The following PEAK1 variants were observed in gnomAD, a reference collection of about 807,000 sequenced individuals.
PEAK1 encodes inactive tyrosine-protein kinase PEAK1.
A neutral mutation model predicts 124.7 loss-of-function variants in PEAK1; 54 were observed. That is an observed-to-expected ratio of 0.43 (90% CI 0.35 to 0.54). The LOEUF is 0.54. PEAK1 is among the 20% of genes least tolerant of loss of function. The pLI, the probability that PEAK1 is intolerant of heterozygous loss-of-function variation, is 0.01. For missense variants in PEAK1, 2,046 were observed against 2,134.5 expected, an observed-to-expected ratio of 0.96 and a Z score of 0.82; for synonymous variants, 719 against 760.0, an observed-to-expected ratio of 0.95 and a Z score of 0.89.
intron 2 of PEAK1, among the ~76,000 whole-genome samples, chr15:77,338,432 A>T (rs1169666357): frequency 1.3e-5 from 2 of 152,178 alleles, no homozygotes; most frequent in Non-Finnish European, 2.9e-5. Context: ...TGCTTAAAGA[A>T]AATCTGTGAC....
At chr15:77,201,931 A>G (rs533599140) in intron 6 of PEAK1, among the ~76,000 whole-genome samples, 1 of 152,284 alleles carries the variant, frequency 6.6e-6, no homozygotes, top group Non-Finnish European at 1.5e-5. Context: ...ACTGTGTTAG[A>G]TGTCATACTT....
chr15:77,345,959 C>G, intron 2 of PEAK1: 2 of 985,298 alleles, frequency 2.0e-6, no homozygotes, highest in Non-Finnish European at 2.4e-6. Context: ...TGGCAAAGGT[C>G]TATCATGGTC....
chr15:77,205,048 A>C (rs951263172), intron 6 of PEAK1: 2 of 184,294 alleles, frequency 1.1e-5, no homozygotes, highest in African/African-American at 4.8e-5. Context: ...ACTAAAAACG[A>C]GGCATGTCCA....
chr15:77,132,465 C>T (rs940951999), intron 9 of PEAK1, among the ~76,000 whole-genome samples: 6 of 151,828 alleles, frequency 4.0e-5, no homozygotes, highest in East Asian at 3.9e-4. Context: ...GAGGCCAAGG[C>T]GGGAGGATCA....
At chr15:77,337,219 A>G in intron 2 of PEAK1, 1 of 985,110 alleles carries the variant, frequency 1.0e-6, no homozygotes, top group Non-Finnish European at 1.2e-6. Context: ...AAACTCAGCC[A>G]AGACAAGATA....
intron 5 of PEAK1, among the ~76,000 whole-genome samples, chr15:77,272,918 A>G (rs923752962): frequency 6.6e-6 from 1 of 152,240 alleles, no homozygotes; most frequent in African/African-American, 2.4e-5. Flanking sequence ...CACCATGATC[A>G]AGTGGGTTTC....
intron 8 of PEAK1, among the ~76,000 whole-genome samples, chr15:77,145,061 T>C (rs1413435382): frequency 6.6e-6 from 1 of 152,220 alleles, no homozygotes. Flanking sequence ...AAAACATTCT[T>C]TTGGACAAAT....
At chr15:77,194,515 CCAGT>C (rs1462536226) in intron 6 of PEAK1, among the ~76,000 whole-genome samples, 1 of 152,122 alleles carries the variant, frequency 6.6e-6, no homozygotes, top group Non-Finnish European at 1.5e-5. Flanking sequence ...TTTTGATCCT[CCAGT>C]CAAATTTTAA....
At position 77,115,084 on chromosome 15, in the gene PEAK1, G is replaced by C; in HGVS notation, c.4313C>G (p.Ser1438Cys). ...ETDGKNPKPC[S>C]EAASSQKENQ... is the part of the protein sequence containing the mutation. ...CTCTTTCTGGGATGATGCTGCTTCA[G>C]AACAGGGCTTTGGGTTTTTCCCATC... is the stretch of plus-strand genomic sequence containing the variant. Residue 1438 changes from serine (S) to cysteine (C), a missense_variant, in exon 10 of 10, where the codon TCT (serine) becomes TGT (cysteine). By Grantham distance (112) the Ser-to-Cys change is moderately radical. Transcript: ENST00000682557. 6.2e-7 allele frequency: 1 copy of C among 1,614,142 alleles called. No individual in the cohort carries two copies. Among genetic ancestry groups the C allele is most frequent in the Non-Finnish European group, 8.5e-7 (1 of 1,180,040 alleles).
At chr15:77,103,047 AAATAAT>A (rs921156416) in exon 7 of PEAK1, 3 of 152,196 alleles carry the variant, frequency 2.0e-5, no homozygotes, top group African/African-American at 4.8e-5. Flanking sequence ...GAAGAAGTGG[AAATAAT>A]AATAATAAAA....
chr15:77,279,665 G>C (rs1405469320), intron 5 of PEAK1, among the ~76,000 whole-genome samples: 2 of 152,212 alleles, frequency 1.3e-5, no homozygotes, highest in African/African-American at 2.4e-5. Flanking sequence ...CCTGTTCAGA[G>C]CATCACATGA....
chr15:77,232,076 T>C (rs2059930949), intron 6 of PEAK1, among the ~76,000 whole-genome samples: 1 of 152,222 alleles, frequency 6.6e-6, no homozygotes, highest in Non-Finnish European at 1.5e-5. Context: ...TTGCTTAAAA[T>C]GTAGAGGCTT....
chr15:77,374,167 C>T (rs1434720286), intron 1 of PEAK1, among the ~76,000 whole-genome samples: 1 of 152,060 alleles, frequency 6.6e-6, no homozygotes, highest in Non-Finnish European at 1.5e-5. Flanking sequence ...TGGATAGGAA[C>T]ACAAGTATCA....
rs1243201752 is a variant in PEAK1, at chr15:77,179,844, T to C, written c.2083A>G (p.Thr695Ala). 1.1e-5 allele frequency: 17 copies of C among 1,614,068 alleles called. No homozygotes were observed. The Admixed American group carries it at 2.8e-4, about 27-fold the overall frequency. ...GCCACTGAGCCCCTTTTATGCTCTG[T>C]GCTGTTTGAAAACCCTTTAGTTTGA... is the stretch of plus-strand genomic sequence containing the variant. ...CLQTKGFSNS[T>A]EHKRGSVAQK... The change falls in exon 7 of 10, where the codon ACA becomes GCA. Residue 695 changes from threonine to alanine, a missense_variant. Coordinates refer to ENST00000682557, the MANE Select transcript of PEAK1 (RefSeq NM_001385026.1).
At chr15:77,330,523 A>T (rs551808161) in intron 2 of PEAK1, among the ~76,000 whole-genome samples, 38 of 151,858 alleles carry the variant, frequency 2.5e-4, no homozygotes, top group African/African-American at 8.7e-4. Context: ...TTCACCCCTA[A>T]CCTCCACTTC....
chr15:77,230,807 T>A (rs998266665), intron 6 of PEAK1, among the ~76,000 whole-genome samples: 1 of 152,000 alleles, frequency 6.6e-6, no homozygotes, highest in Non-Finnish European at 1.5e-5. Flanking sequence ...CACTCCAGCC[T>A]AGGAGACAGA....
chr15:77,355,859 A>G, intron 2 of PEAK1: 2 of 985,322 alleles, frequency 2.0e-6, no homozygotes, highest in Non-Finnish European at 2.4e-6. Flanking sequence ...TCAGCCCTGG[A>G]AAAGTTACAG....
intron 5 of PEAK1, among the ~76,000 whole-genome samples, chr15:77,256,865 A>T (rs1427703847): frequency 1.3e-5 from 2 of 150,806 alleles, no homozygotes; most frequent in Non-Finnish European, 3.0e-5. Flanking sequence ...TCCTAATGCT[A>T]TCCCTCCCAC....
At chr15:77,194,612 T>C (rs556213418) in intron 6 of PEAK1, among the ~76,000 whole-genome samples, 2 of 152,272 alleles carry the variant, frequency 1.3e-5, no homozygotes, top group South Asian at 4.1e-4. Flanking sequence ...TTGCATACCT[T>C]ACTCCACCCC....
Sources: allele counts gnomAD v4.1 joint callset (sites outside exome capture counted in the v4.1 genomes callset), GRCh38; gene constraint gnomAD v4.1.1; transcripts MANE v1.5; gene names NCBI Gene and HGNC (gene_info 2026-07-23, HGNC 2026-07-21).